The following ANO3 variants were observed in gnomAD, a reference collection of about 807,000 sequenced individuals.
ANO3 encodes anoctamin-3.
In ANO3, 99 loss-of-function variants were observed where a neutral mutation model predicts 144.8. The ratio of observed to expected loss-of-function variants is 0.68; its 90% CI spans 0.58 to 0.81. The LOEUF (loss-of-function observed/expected upper bound fraction) is 0.81. Ranked by LOEUF, ANO3 falls within the 30% of genes least tolerant of loss-of-function variation. The pLI is 0.00. For synonymous variants in ANO3, 414 were observed against 392.6 expected, an observed-to-expected ratio of 1.05 and a Z score of -0.64; for missense variants, 905 against 1,202.2, an observed-to-expected ratio of 0.75 and a Z score of 3.66.
chr11:26,487,006 T>G (rs1161400116), intron 4 of ANO3, among the ~76,000 whole-genome samples: 1 of 152,234 alleles, frequency 6.6e-6, no homozygotes, highest in African/African-American at 2.4e-5. Context: ...CTGCAGACAC[T>G]AACCTAATTT....
At chr11:26,517,376 C>A (rs192326711) in intron 6 of ANO3, among the ~76,000 whole-genome samples, 3 of 152,074 alleles carry the variant, frequency 2.0e-5, no homozygotes, top group Admixed American at 2.0e-4. Context: ...TAATTCTGTC[C>A]TCAATAACAA....
intron 9 of ANO3, 70 bp downstream of exon 9, chr11:26,534,632 T>C (rs1027233084): frequency 7.5e-6 from 8 of 1,070,836 alleles, no homozygotes; most frequent in African/African-American, 4.7e-5. Flanking sequence ...TTGTTTTTTT[T>C]AACAGCTGTA....
chr11:26,564,466 C>A (rs1850436449), intron 14 of ANO3, among the ~76,000 whole-genome samples: 1 of 149,262 alleles, frequency 6.7e-6, no homozygotes, highest in African/African-American at 2.5e-5. Flanking sequence ...TACATTAGAC[C>A]TCAAAAAACA....
intron 1 of ANO3, among the ~76,000 whole-genome samples, chr11:26,311,558 TCA>T (rs1854501753): frequency 1.3e-5 from 2 of 152,288 alleles, no homozygotes; most frequent in Admixed American, 6.5e-5. Flanking sequence ...ACATGATAGG[TCA>T]CCCAACTTCT....
chr11:26,230,726 G>C (rs901348969), intron 1 of ANO3, among the ~76,000 whole-genome samples: 3 of 129,612 alleles, frequency 2.3e-5, no homozygotes, highest in Non-Finnish European at 4.7e-5. Context: ...GAACTCAGAA[G>C]ACAGAGGTTG....
chr11:26,505,823 T>TA (rs956475974), intron 4 of ANO3, among the ~76,000 whole-genome samples: 283 of 150,548 alleles, frequency 1.9e-3, no homozygotes, highest in African/African-American at 6.1e-3. Flanking sequence ...ATCCAAAAAA[T>TA]AAAAAAAATA....
intron 22 of ANO3, 141 bp downstream of exon 22, chr11:26,642,170 A>C: frequency 3.9e-4 from 330 of 843,946 alleles, no homozygotes; most frequent in Non-Finnish European, 5.1e-4. Flanking sequence ...CCTTCATCTC[A>C]AGGAGCTAGA....
At chr11:26,288,874 A>G (rs1425234611) in intron 1 of ANO3, among the ~76,000 whole-genome samples, 1 of 152,158 alleles carries the variant, frequency 6.6e-6, no homozygotes, top group Non-Finnish European at 1.5e-5. Context: ...AAGCTACAAT[A>G]GGTGGATAAA....
intron 1 of ANO3, among the ~76,000 whole-genome samples, chr11:26,245,018 T>TGTGTGTGTGTGCGCGC (rs151031559): frequency 0.01 from 1,511 of 145,400 alleles, 18 homozygotes; most frequent in Non-Finnish European, 0.013. Context: ...TGTGTGTGTG[T>TGTGTGTGTGTGCGCGC]GTGCATGCAT....
chr11:26,468,258 G>T (rs996181553), intron 4 of ANO3, among the ~76,000 whole-genome samples: 1 of 151,918 alleles, frequency 6.6e-6, no homozygotes, highest in Non-Finnish European at 1.5e-5. Context: ...TCTCAGCTGG[G>T]ATATTTCACG....
intron 3 of ANO3, among the ~76,000 whole-genome samples, chr11:26,445,163 C>A (rs1858657996): frequency 6.6e-6 from 1 of 152,148 alleles, no homozygotes; most frequent in East Asian, 1.9e-4. Flanking sequence ...CATTGAGCAT[C>A]ATTTCAACAC....
intron 14 of ANO3, among the ~76,000 whole-genome samples, chr11:26,578,488 T>C (rs530092832): frequency 6.6e-6 from 1 of 152,328 alleles, no homozygotes; most frequent in East Asian, 1.9e-4. Flanking sequence ...AGGCTTTGCC[T>C]TGACTTTGTG....
At chr11:26,579,487 A>G (rs183010391) in intron 14 of ANO3, among the ~76,000 whole-genome samples, 352 of 152,342 alleles carry the variant, frequency 2.3e-3, no homozygotes, top group African/African-American at 8.2e-3. Context: ...AACAATGACA[A>G]AAGACTTACT....
chr11:26,629,502 G>A (rs1237266642), intron 18 of ANO3, among the ~76,000 whole-genome samples: 1 of 152,108 alleles, frequency 6.6e-6, no homozygotes, highest in Admixed American at 6.5e-5. Context: ...TAGGTACAAA[G>A]TTTGGCATGC....
At chr11:26,545,782 CCCCTCTTCCT>C in intron 11 of ANO3, among the ~76,000 whole-genome samples, 1 of 151,624 alleles carries the variant, frequency 6.6e-6, no homozygotes, top group South Asian at 2.1e-4. Context: ...CAGTAGCAGC[CCCCTCTTCCT>C]CCCTCTTCCT....
At chr11:26,327,860 G>T (rs1854926944), upstream of ANO3, among the ~76,000 whole-genome samples, 1 of 152,132 alleles carries the variant, frequency 6.6e-6, no homozygotes, top group African/African-American at 2.4e-5. Flanking sequence ...TAAACAACAT[G>T]GATTTAATCC....
chr11:26,309,294 TACAGCC>T (rs1854454764), upstream of ANO3, among the ~76,000 whole-genome samples: 1 of 152,118 alleles, frequency 6.6e-6, no homozygotes, highest in Admixed American at 6.6e-5. Context: ...AAGGAAAAGG[TACAGCC>T]TCCGAGTTTG....
chr11:26,197,412 A>G lies in ANO3; in HGVS notation c.154+8082A>G, dbSNP rs528634610. Among the ~76,000 whole-genome samples the G allele has an allele frequency of 4.5e-3, 691 of 152,042 alleles. 5 individuals are homozygous for G. The highest frequency in any genetic ancestry group is 5.7e-3 in the Non-Finnish European group (387 of 67,936). On this transcript the variant is annotated intron_variant, in intron 1 of 27. Transcript: ENST00000672621. ...CACCCAGGCTGGAGTGCAGTGGCGC[A>G]ATCTCGGCTCACTGCAACCTCCACC...
intron 17 of ANO3, among the ~76,000 whole-genome samples, chr11:26,614,116 T>C (rs1852179602): frequency 1.3e-5 from 2 of 152,186 alleles, no homozygotes; most frequent in Admixed American, 6.5e-5. Flanking sequence ...GCTTTCAGGC[T>C]GTACATGAAC....
Sources: gnomAD v4.1 joint callset for allele counts (sites outside exome capture counted in the v4.1 genomes callset) on GRCh38, gnomAD v4.1.1 for gene constraint, MANE v1.5 for transcripts, NCBI Gene and HGNC (gene_info 2026-07-23, HGNC 2026-07-21) for gene names.